Variants in SLC30A3 observed in about 807,000 individuals in gnomAD.
SLC30A3 encodes solute carrier family 30 member 3.
In SLC30A3, 20 loss-of-function variants were observed where a neutral mutation model predicts 35.6. The observed-to-expected ratio is 0.56, with a 90% confidence interval of 0.39 to 0.82. The LOEUF is 0.82. Among genes scored for constraint, SLC30A3 ranks in the 40% least tolerant of loss-of-function variants. The pLI, the probability that SLC30A3 is intolerant of heterozygous loss-of-function variation, is 0.00. For synonymous variants in SLC30A3, 217 were observed against 224.7 expected (o/e 0.97, Z 0.31); for missense variants, 401 against 530.6 (o/e 0.76, Z 2.40).
At chr2:27,264,263 G>A (rs1458192420), upstream of SLC30A3, 3 of 368,930 alleles carry the variant, frequency 8.1e-6, no homozygotes, top group South Asian at 5.9e-5. This position sits in a 1 kb window ranked among gnomAD's most constrained non-coding sequence, Gnocchi z 6.1. Context: ...CACACTGGGC[G>A]TCCTGAACTT....
At chr2:27,267,053 G>T (rs1677527617), upstream of SLC30A3, among the ~76,000 whole-genome samples, 1 of 152,108 alleles carries the variant, frequency 6.6e-6, no homozygotes, top group African/African-American at 2.4e-5. Context: ...CTGAGCCCCT[G>T]ATTGTCACGC....
chr2:27,272,600 T>C (rs942395046), intron 1 of SLC30A3, among the ~76,000 whole-genome samples: 2 of 151,722 alleles, frequency 1.3e-5, no homozygotes, highest in African/African-American at 4.8e-5. Context: ...GCTAATTTTT[T>C]TATTTTTAGT....
chr2:27,257,830 A>C lies in SLC30A3; in HGVS notation c.578+75T>G. On this transcript the variant is annotated intron_variant, in intron 4 of 7. Transcript: ENST00000233535. The surrounding 1 kb of genome is among the most constrained non-coding windows in gnomAD (Gnocchi z 4.7). The stretch of plus-strand genomic sequence containing the variant: ...TCTGTGTGTCTGGTGGGGAGGAGAG[A>C]GCCAGCTCTCCCATCCTGGAGGAAG... 1.4e-6 allele frequency: 2 copies of C among 1,437,056 alleles called. No individual in the cohort carries two copies. Among genetic ancestry groups the C allele is most frequent in the South Asian group, 2.5e-5 (2 of 78,956 alleles). The allele number at this position is 1,437,056 out of a possible 1,614,324, so 89.0% of individuals were successfully genotyped here.
intron 7 of SLC30A3, 165 bp downstream of exon 7, chr2:27,256,221 C>A: frequency 1.3e-6 from 1 of 769,974 alleles, no homozygotes. Context: ...CACGAGCGCA[C>A]GTGCATGTGT....
At chr2:27,263,163 C>A, upstream of SLC30A3, 1 of 1,264,130 alleles carries the variant, frequency 7.9e-7, no homozygotes, top group Admixed American at 3.7e-5. Flanking sequence ...CCTTAAGCCC[C>A]GCCCCCACTG....
At chr2:27,256,541 G>A (rs1676864690) in intron 6 of SLC30A3, 21 bp from the exon 7 acceptor site, 1 of 1,613,780 alleles carries the variant, frequency 6.2e-7, no homozygotes, top group Non-Finnish European at 8.5e-7. Context: ...CACCAGTCAT[G>A]CCTTACTGCT....
chr2:27,274,686 G>A (rs1341694237), intron 1 of SLC30A3, among the ~76,000 whole-genome samples: 223 of 145,526 alleles, frequency 1.5e-3, no homozygotes, highest in African/African-American at 5.6e-3. Context: ...AAAAAGAAAA[G>A]AAAAAAGAAA....
intron 1 of SLC30A3, among the ~76,000 whole-genome samples, chr2:27,261,827 G>A (rs1261560872): frequency 6.6e-6 from 1 of 152,080 alleles, no homozygotes; most frequent in Non-Finnish European, 1.5e-5. Context: ...CTGCAGGAAG[G>A]GGTCCAGCTC....
intron 6 of SLC30A3, 65 bp from the exon 7 acceptor site, chr2:27,256,585 C>G: frequency 6.3e-7 from 1 of 1,598,830 alleles, no homozygotes. Context: ...GCACCCCCAC[C>G]ACTGGATTCC....
At position 27,262,264 on chromosome 2, in the gene SLC30A3, G is replaced by T. The variant is rs1572480265; in HGVS notation, c.95+548C>A. The T allele has an allele frequency of 6.6e-6, 1 of 152,094 alleles. No homozygotes were observed. Among genetic ancestry groups the T allele is most frequent in the African/African-American group, 2.4e-5 (1 of 41,396 alleles). 9.4% of individuals were successfully genotyped at this position (152,094 alleles called of 1,614,324 possible). ...CCCAGACCGCACCTGCTCCTTCCTCGCCGCCCCCTCGCTTCCCGGCGGCCG... is the reference window on the plus strand; with the variant it reads ...CCCAGACCGCACCTGCTCCTTCCTCTCCGCCCCCTCGCTTCCCGGCGGCCG... On this transcript the variant is annotated intron_variant, in intron 1 of 7. Transcript: ENST00000233535. The surrounding 1 kb of genome is among the most constrained non-coding windows in gnomAD (Gnocchi z 7.5).
upstream of SLC30A3, chr2:27,263,204 G>C: frequency 2.4e-6 from 2 of 841,728 alleles, no homozygotes; most frequent in South Asian, 3.1e-5. Context: ...GCCAGAGCCC[G>C]GGAGCGCCCC....
chr2:27,265,850 C>T (rs72858470), upstream of SLC30A3, among the ~76,000 whole-genome samples: 171 of 152,192 alleles, frequency 1.1e-3, no homozygotes, highest in African/African-American at 4.0e-3. The surrounding 1 kb of genome is among the most constrained non-coding windows in gnomAD (Gnocchi z 5.9). Flanking sequence ...CTAATGGCTG[C>T]CACACTGTCC....
In SLC30A3 at chr2:27,258,561, G is replaced by A. The variant is rs536054621; in HGVS notation, c.277+192C>T. 11 of 687,746 alleles carry A rather than the reference G, an allele frequency of 1.6e-5. No homozygotes were observed. Among genetic ancestry groups the A allele is most frequent in the Admixed American group, 3.2e-5 (1 of 31,450 alleles). 42.6% of individuals were successfully genotyped at this position (687,746 alleles called of 1,614,324 possible). A position where few individuals can be genotyped will look rare whatever the true frequency, so the allele number is the denominator to read the frequency against. On this transcript the variant is annotated intron_variant, in intron 2 of 7. Coordinates refer to ENST00000233535, the MANE Select transcript of SLC30A3 (RefSeq NM_003459.5). The surrounding 1 kb of genome is among the most constrained non-coding windows in gnomAD (Gnocchi z 4.0). Reference sequence around the variant, plus strand: ...AAGTCAGCCCTGACCTACTGGCCCCGGACCTCGGCTGGAATTCCCTTTGTT... The same window carrying A: ...AAGTCAGCCCTGACCTACTGGCCCCAGACCTCGGCTGGAATTCCCTTTGTT...
At chr2:27,268,304 T>C (rs1274875601) in intron 1 of SLC30A3, among the ~76,000 whole-genome samples, 2 of 152,214 alleles carry the variant, frequency 1.3e-5, no homozygotes, top group African/African-American at 4.8e-5. Flanking sequence ...GTATCCAAGG[T>C]ACTAGGCATA....
upstream of SLC30A3, among the ~76,000 whole-genome samples, chr2:27,265,069 G>A (rs1039438584): frequency 6.6e-6 from 1 of 152,246 alleles, no homozygotes; most frequent in Non-Finnish European, 1.5e-5. This position sits in a 1 kb window ranked among gnomAD's most constrained non-coding sequence, Gnocchi z 5.9. Flanking sequence ...AAACTGCGGG[G>A]TCCTATGCGG....
chr2:27,257,436 G>A lies in SLC30A3; in HGVS notation c.579-84C>T. On this transcript the variant is annotated intron_variant, in intron 4 of 7. Coordinates refer to ENST00000233535, the MANE Select transcript of SLC30A3 (RefSeq NM_003459.5). This position sits in a 1 kb window ranked among gnomAD's most constrained non-coding sequence, Gnocchi z 4.7. ...ATCTCCATGTCTCACCTCCCCAGTA[G>A]CCCTTTCCCAGCCCCTGGAAGAAAA... The A allele has an allele frequency of 7.7e-7, 1 of 1,306,934 alleles. No individual in the cohort carries two copies. The highest frequency in any genetic ancestry group is 1.1e-6 in the Non-Finnish European group (1 of 931,552). The allele number at this position is 1,306,934 out of a possible 1,614,324, so 81.0% of individuals were successfully genotyped here.
At chr2:27,263,148 C>T (rs532812416), upstream of SLC30A3, 131 of 1,320,218 alleles carry the variant, frequency 9.9e-5, no homozygotes, top group African/African-American at 1.9e-3. Flanking sequence ...CCGGCCTCTC[C>T]CCACCCTTAA....
intron 1 of SLC30A3, among the ~76,000 whole-genome samples, chr2:27,261,455 C>T (rs989768898): frequency 3.3e-5 from 5 of 152,096 alleles, no homozygotes; most frequent in Non-Finnish European, 2.9e-5. Flanking sequence ...GAGTCTGAAG[C>T]GCAGAGGCTG....
At chr2:27,264,174 G>T, upstream of SLC30A3, 1 of 688,876 alleles carries the variant, frequency 1.5e-6, no homozygotes, top group Non-Finnish European at 2.3e-6. The surrounding 1 kb of genome is among the most constrained non-coding windows in gnomAD (Gnocchi z 6.1). Context: ...GGGAGCGAGT[G>T]AGCAGGGATG....
Sources: gnomAD v4.1 joint callset for allele counts (sites outside exome capture counted in the v4.1 genomes callset) on GRCh38, gnomAD v4.1.1 for gene constraint, Gnocchi (gnomAD v3.1) non-coding constraint, MANE v1.5 for transcripts, NCBI Gene and HGNC (gene_info 2026-07-23, HGNC 2026-07-21) for gene names.